Variants in HCN1 observed in about 807,000 individuals in gnomAD.
HCN1 encodes the protein potassium/sodium hyperpolarization-activated cyclic nucleotide-gated channel 1.
In HCN1, 13 loss-of-function variants were observed where a neutral mutation model predicts 78.9. The observed-to-expected ratio is 0.16, with a 90% CI of 0.11 to 0.26. HCN1 has a LOEUF of 0.26. Among genes scored for constraint, HCN1 ranks in the 10% least tolerant of loss-of-function variants. HCN1 has a pLI of 1.00. For synonymous variants in HCN1, 552 were observed against 455.5 expected (o/e 1.21, Z -2.70); for missense variants, 810 against 1,154.3 (o/e 0.70, Z 4.32).
intron 5 of HCN1, among the ~76,000 whole-genome samples, chr5:45,308,688 T>C (rs1358477025): frequency 6.6e-6 from 1 of 152,104 alleles, no homozygotes; most frequent in Non-Finnish European, 1.5e-5. Flanking sequence ...CAAATAAAAA[T>C]CTATAATTAT....
chr5:45,372,091 A>ATATATATTTTATATATAATATAAT (rs1747394250), intron 4 of HCN1, among the ~76,000 whole-genome samples: 3 of 58,784 alleles, frequency 5.1e-5, no homozygotes, highest in Non-Finnish European at 8.0e-5. Flanking sequence ...ATATAATTAT[A>ATATATATTTTATATATAATATAAT]TATATATTTT....
At chr5:45,492,392 A>AATATATATATATATATATATATATAT (rs35781186) in intron 2 of HCN1, among the ~76,000 whole-genome samples, 1 of 121,394 alleles carries the variant, frequency 8.2e-6, no homozygotes, top group African/African-American at 3.2e-5. Context: ...TCTTTAAATG[A>AATATATATATATATATATATATATAT]ATATATATAT....
At chr5:45,669,780 A>C (rs1746114266) in intron 1 of HCN1, among the ~76,000 whole-genome samples, 1 of 151,878 alleles carries the variant, frequency 6.6e-6, no homozygotes, top group South Asian at 2.1e-4. Context: ...AACAAATTGC[A>C]AACAGTGAAC....
chr5:45,364,244 A>C (rs1481902284), intron 4 of HCN1, among the ~76,000 whole-genome samples: 1 of 152,046 alleles, frequency 6.6e-6, no homozygotes, highest in Non-Finnish European at 1.5e-5. Context: ...TCCTTGGACA[A>C]TCCTTCCCAC....
In HCN1 at chr5:45,668,567, A is replaced by G. The variant is rs533417966; in HGVS notation, c.426-22959T>C. Among the ~76,000 whole-genome samples the G allele has an allele frequency of 5.3e-5, 8 of 152,076 alleles. No homozygotes were observed. The South Asian group carries it at 1.4e-3, about 28-fold the overall frequency. Reference sequence around the variant, plus strand: ...TAAAGCAGTGTGAAAACGGACTGATACAGTCACACATGCAAAATTATATGT... The same window carrying G: ...TAAAGCAGTGTGAAAACGGACTGATGCAGTCACACATGCAAAATTATATGT... On this transcript the variant is annotated intron_variant, in intron 1 of 7. Transcript: ENST00000303230.
At chr5:45,521,592 G>A (rs1359158979) in intron 2 of HCN1, among the ~76,000 whole-genome samples, 3 of 151,830 alleles carry the variant, frequency 2.0e-5, no homozygotes, top group Non-Finnish European at 2.9e-5. Flanking sequence ...TAGGATACCA[G>A]TCATGCTGGA....
intron 4 of HCN1, among the ~76,000 whole-genome samples, chr5:45,392,351 A>C (rs1739585801): frequency 6.6e-6 from 1 of 152,198 alleles, no homozygotes; most frequent in Admixed American, 6.5e-5. Flanking sequence ...TCTATGGATC[A>C]TTAATTAAAA....
chr5:45,347,245 C>T (rs1272378373), intron 5 of HCN1, among the ~76,000 whole-genome samples: 2 of 152,262 alleles, frequency 1.3e-5, no homozygotes, highest in Admixed American at 6.5e-5. Context: ...CTGCTGATAC[C>T]CAGGCAAACA....
At chr5:45,463,373 AC>A (rs1245880068) in intron 2 of HCN1, among the ~76,000 whole-genome samples, 58 of 152,084 alleles carry the variant, frequency 3.8e-4, no homozygotes, top group African/African-American at 1.4e-3. Flanking sequence ...AATCTTTTTG[AC>A]ATAGTAATTA....
chr5:45,513,801 T>C (rs1742465983), intron 2 of HCN1, among the ~76,000 whole-genome samples: 2 of 152,228 alleles, frequency 1.3e-5, no homozygotes, highest in Middle Eastern at 6.8e-3. Context: ...GACAAAAAGG[T>C]TGGGGACTGT....
chr5:45,446,878 C>T (rs1278962618), intron 3 of HCN1, among the ~76,000 whole-genome samples: 3 of 152,026 alleles, frequency 2.0e-5, no homozygotes, highest in Admixed American at 2.0e-4. Context: ...AAAAGAGCTC[C>T]TGAAGGAAGC....
At chr5:45,663,966 C>T (rs1745977333) in intron 1 of HCN1, among the ~76,000 whole-genome samples, 1 of 144,236 alleles carries the variant, frequency 6.9e-6, no homozygotes, top group South Asian at 2.4e-4. Flanking sequence ...GGGTATATAC[C>T]CAAATGACTA....
At chr5:45,407,030 A>C (rs2112051684) in intron 3 of HCN1, among the ~76,000 whole-genome samples, 1 of 152,222 alleles carries the variant, frequency 6.6e-6, no homozygotes, top group African/African-American at 2.4e-5. Context: ...GAGGCTCAGC[A>C]CTCCAGAGTA....
At chr5:45,385,186 T>C in intron 4 of HCN1, among the ~76,000 whole-genome samples, 1 of 152,152 alleles carries the variant, frequency 6.6e-6, no homozygotes, top group Non-Finnish European at 1.5e-5. Flanking sequence ...TTCCAGTTAA[T>C]ATCTAAAACT....
chr5:45,301,557 A>G (rs1346252649), intron 6 of HCN1, among the ~76,000 whole-genome samples: 1 of 151,578 alleles, frequency 6.6e-6, no homozygotes, highest in East Asian at 2.0e-4. Flanking sequence ...GTCTCTACAA[A>G]AAATTAAAAA....
chr5:45,446,984 G>A (rs1484756393), intron 3 of HCN1, among the ~76,000 whole-genome samples: 4 of 151,266 alleles, frequency 2.6e-5, no homozygotes, highest in South Asian at 2.1e-4. Flanking sequence ...ATCAACTAAC[G>A]AGCAAAATAA....
intron 2 of HCN1, among the ~76,000 whole-genome samples, chr5:45,475,902 A>G (rs1240158661): frequency 6.6e-6 from 1 of 152,156 alleles, no homozygotes; most frequent in East Asian, 1.9e-4. Context: ...TCTCTTCAAA[A>G]AGAATCAGCA....
intron 2 of HCN1, among the ~76,000 whole-genome samples, chr5:45,546,798 A>C (rs1215456949): frequency 6.6e-6 from 1 of 151,886 alleles, no homozygotes; most frequent in Non-Finnish European, 1.5e-5. Flanking sequence ...CAACTATACT[A>C]TGCTATTTAA....
rs142657814 is a variant in HCN1 at position 45,458,472 on chromosome 5, T to C, written c.1011+3374A>G. Among the ~76,000 whole-genome samples, 351 of 152,218 alleles carry C rather than the reference T, an allele frequency of 2.3e-3. 3 individuals are homozygous for C. The highest frequency in any genetic ancestry group is 8.1e-3 in the African/African-American group (335 of 41,558). On this transcript the variant is annotated intron_variant, in intron 3 of 7. Transcript: ENST00000303230. ...CCTGGCTCCTTAATTTTTTGATTTCTCAACTTGATTTTGGTTTTCTACATC... is the reference window on the plus strand; with the variant it reads ...CCTGGCTCCTTAATTTTTTGATTTCCCAACTTGATTTTGGTTTTCTACATC...
Sources: allele counts gnomAD v4.1 joint callset (sites outside exome capture counted in the v4.1 genomes callset), GRCh38; gene constraint gnomAD v4.1.1; transcripts MANE v1.5; gene names NCBI Gene and HGNC (gene_info 2026-07-23, HGNC 2026-07-21).